Variants in POFUT1 observed in about 807,000 individuals in gnomAD.
POFUT1 encodes the protein GDP-fucose protein O-fucosyltransferase 1.
Under a neutral mutation model 42.4 loss-of-function variants are expected in POFUT1, and 16 were observed. That is an observed-to-expected ratio of 0.38 (90% CI 0.26 to 0.57). The LOEUF (loss-of-function observed/expected upper bound fraction) is 0.57, where lower values mean the gene tolerates loss of function less well. Ranked by LOEUF, POFUT1 falls within the 20% of genes least tolerant of loss-of-function variation. POFUT1 has a pLI of 0.71. For synonymous variants in POFUT1, 206 were observed against 205.4 expected (o/e 1.00, Z -0.03); for missense variants, 470 against 504.6 (o/e 0.93, Z 0.66).
chr20:32,219,517 T>G (rs1232165700), intron 4 of POFUT1, among the ~76,000 whole-genome samples: 1 of 151,262 alleles, frequency 6.6e-6, no homozygotes, highest in Non-Finnish European at 1.5e-5. Context: ...AGTTTTTTTT[T>G]TTTTTTTTTT....
intron 1 of POFUT1, 61 bp from the exon 2 acceptor site, chr20:32,210,010 C>T (rs1347812968): frequency 1.9e-6 from 3 of 1,606,524 alleles, no homozygotes; most frequent in East Asian, 2.2e-5. Flanking sequence ...TTTCTGAGCC[C>T]TGCATGCTCT....
intron 4 of POFUT1, among the ~76,000 whole-genome samples, chr20:32,221,630 G>A (rs2047391305): frequency 6.6e-6 from 1 of 151,786 alleles, no homozygotes; most frequent in Admixed American, 6.6e-5. Flanking sequence ...GGGAGGATCA[G>A]GTGAGCCTGA....
intron 2 of POFUT1, 150 bp from the exon 3 acceptor site, chr20:32,215,119 C>T (rs969185480): frequency 2.5e-5 from 13 of 527,844 alleles, no homozygotes; most frequent in Non-Finnish European, 4.1e-5. Flanking sequence ...GAACTCCTGA[C>T]CTCAAGTGAT....
chr20:32,216,769 C>T (rs754885444), intron 4 of POFUT1, 48 bp downstream of exon 4: 1 of 1,413,528 alleles, frequency 7.1e-7, no homozygotes, highest in Non-Finnish European at 1.0e-6. Flanking sequence ...GCGCATGGAG[C>T]TCATGAGCAT....
intron 4 of POFUT1, chr20:32,217,272 G>C: frequency 7.3e-7 from 1 of 1,374,438 alleles, no homozygotes; most frequent in Admixed American, 3.1e-5. Flanking sequence ...AAATGAGGAT[G>C]ACCAGCTCTG....
intron 4 of POFUT1, among the ~76,000 whole-genome samples, chr20:32,224,755 G>C (rs144694247): frequency 1.5e-3 from 235 of 152,350 alleles, no homozygotes; most frequent in Non-Finnish European, 2.3e-3. Context: ...GTCTGTCACA[G>C]CACTGTTGTG....
At chr20:32,233,500 G>A (rs1045216876) in intron 6 of POFUT1, among the ~76,000 whole-genome samples, 9 of 152,138 alleles carry the variant, frequency 5.9e-5, no homozygotes, top group African/African-American at 1.9e-4. Flanking sequence ...TTATCTGAAG[G>A]GCAATAGGGC....
rs566300665 is a variant in POFUT1, at chr20:32,228,210, C to G, written c.543-53C>G. On this transcript the variant is annotated intron_variant, in intron 4 of 6. Transcript: ENST00000375749. Reference sequence around the variant, plus strand: ...ACCATCCTTTTTCCCGTGGGGGTGGCAGCCAGGCTCTCTGTGCGTCCTCTG... The same window carrying G: ...ACCATCCTTTTTCCCGTGGGGGTGGGAGCCAGGCTCTCTGTGCGTCCTCTG... 198 of 1,486,112 alleles carry G rather than the reference C, an allele frequency of 1.3e-4. 2 individuals carry two copies. The highest frequency in any genetic ancestry group is 1.9e-5 in the Non-Finnish European group (20 of 1,079,208). The allele number at this position is 1,486,112 out of a possible 1,614,324, so 92.1% of individuals were successfully genotyped here. A position where few individuals can be genotyped will look rare whatever the true frequency, so the allele number is the denominator to read the frequency against.
intron 4 of POFUT1, among the ~76,000 whole-genome samples, chr20:32,218,193 G>A (rs990198535): frequency 6.6e-6 from 1 of 152,164 alleles, no homozygotes; most frequent in Non-Finnish European, 1.5e-5. Flanking sequence ...CTGGAGTACA[G>A]TAGCATGATC....
At chr20:32,234,417 G>A (rs897951764) in intron 6 of POFUT1, 56 bp from the exon 7 acceptor site, 1 of 1,465,618 alleles carries the variant, frequency 6.8e-7, no homozygotes. Flanking sequence ...GGGTGTGGAT[G>A]GCAGGCCTTG....
rs755874873 is a variant in POFUT1, at chr20:32,216,668, G to A, written c.489G>A (p.Glu163=). The change falls in exon 4 of 7, where the codon GAG becomes GAA. Residue 163 remains glutamate (E), a synonymous_variant. Coordinates refer to ENST00000375749, the MANE Select transcript of POFUT1 (RefSeq NM_015352.2). ...TTCATGTGAGTTTCAACAAGTCGGAGCTTTTTACAGGCATTTCCTTCAGTG... is the reference window on the plus strand; with the variant it reads ...TTCATGTGAGTTTCAACAAGTCGGAACTTTTTACAGGCATTTCCTTCAGTG... ...DQFHVSFNKS[E]LFTGISFSAS... The A allele has an allele frequency of 1.9e-6, 3 of 1,614,006 alleles. No homozygotes were observed. The highest frequency in any genetic ancestry group is 1.7e-6 in the Non-Finnish European group (2 of 1,179,870).
intron 4 of POFUT1, chr20:32,217,993 G>T (rs1285660848): frequency 1.3e-5 from 2 of 152,620 alleles, no homozygotes; most frequent in Admixed American, 6.6e-5. Context: ...ATCTTTCCCT[G>T]AGTCTGTGGG....
At chr20:32,222,435 C>T (rs532823657) in intron 4 of POFUT1, among the ~76,000 whole-genome samples, 5 of 152,292 alleles carry the variant, frequency 3.3e-5, no homozygotes, top group Non-Finnish European at 7.4e-5. Flanking sequence ...ACAAAAGTTG[C>T]GAAAGGGCAT....
chr20:32,209,973 T>C, intron 1 of POFUT1, 98 bp from the exon 2 acceptor site: 2 of 1,380,944 alleles, frequency 1.4e-6, no homozygotes, highest in Non-Finnish European at 2.0e-6. Context: ...TTGGTATCCC[T>C]GACTTTCTAC....
In POFUT1 at chr20:32,216,758, G is replaced by C. The variant is rs559826577; in HGVS notation, c.542+37G>C. On this transcript the variant is annotated intron_variant, in intron 4 of 6. Transcript: ENST00000375749. ...GGGTAGCGTTTCTGGGTTTAGGGGA[G>C]GCGCATGGAGCTCATGAGCATTCAG... is the stretch of plus-strand genomic sequence containing the variant. The C allele has an allele frequency of 8.9e-6, 13 of 1,456,432 alleles. 1 individual carries two copies. In the South Asian group the frequency reaches 1.4e-4, roughly 15 times the overall value. 90.2% of individuals were successfully genotyped at this position (1,456,432 alleles called of 1,614,324 possible). A position where few individuals can be genotyped will look rare whatever the true frequency, so the allele number is the denominator to read the frequency against.
rs2047361704 is a variant in POFUT1 at position 32,216,606 on chromosome 20, C to T, written c.430-3C>T. ...TAAGCCTTCCACCACTCTCTTTCTGCAGGAAGGAAACCCCTTTGGCCCATT... is the reference window on the plus strand; with the variant it reads ...TAAGCCTTCCACCACTCTCTTTCTGTAGGAAGGAAACCCCTTTGGCCCATT... On this transcript the variant is annotated splice_region_variant and splice_polypyrimidine_tract_variant and intron_variant, in intron 3 of 6. Transcript: ENST00000375749. The T allele has an allele frequency of 6.3e-7, 1 of 1,592,922 alleles. No individual in the cohort carries two copies. The highest frequency in any genetic ancestry group is 8.6e-7 in the Non-Finnish European group (1 of 1,160,696).
chr20:32,232,774 C>T (rs752164951), intron 6 of POFUT1, among the ~76,000 whole-genome samples: 7 of 151,982 alleles, frequency 4.6e-5, no homozygotes, highest in Admixed American at 1.3e-4. Context: ...CACCTTGAAC[C>T]TCTTGCCATT....
chr20:32,219,808 A>G (rs995395807), intron 4 of POFUT1, among the ~76,000 whole-genome samples: 3 of 152,060 alleles, frequency 2.0e-5, no homozygotes, highest in Admixed American at 6.5e-5. Context: ...ACAACAAGTT[A>G]TTATTATTTC....
At chr20:32,227,384 G>A (rs2047419957) in intron 4 of POFUT1, among the ~76,000 whole-genome samples, 1 of 149,206 alleles carries the variant, frequency 6.7e-6, no homozygotes, top group African/African-American at 2.6e-5. Flanking sequence ...GCTGGGCCTG[G>A]TGGCACTTAT....
Sources: allele counts gnomAD v4.1 joint callset (sites outside exome capture counted in the v4.1 genomes callset), GRCh38; gene constraint gnomAD v4.1.1; transcripts MANE v1.5; gene names NCBI Gene and HGNC (gene_info 2026-07-23, HGNC 2026-07-21).